Variants in CHCHD6 observed in about 807,000 individuals in gnomAD.
CHCHD6 encodes MICOS complex subunit MIC25.
In CHCHD6, 28 loss-of-function variants were observed where a neutral mutation model predicts 32.3. The ratio of observed to expected loss-of-function variants is 0.87; its 90% CI spans 0.64 to 1.19. The LOEUF is 1.19. Ranked by LOEUF, CHCHD6 falls within the 50% of genes most tolerant of loss-of-function variation. CHCHD6 has a pLI of 0.00. For synonymous variants in CHCHD6, 122 were observed against 117.5 expected (o/e 1.04, Z -0.25); for missense variants, 333 against 307.0 (o/e 1.08, Z -0.63).
chr3:126,715,340 C>T (rs963497695), intron 1 of CHCHD6, among the ~76,000 whole-genome samples: 4 of 152,196 alleles, frequency 2.6e-5, no homozygotes, highest in African/African-American at 9.7e-5. Flanking sequence ...TGCACAGGGA[C>T]TGCCCTTACC....
At chr3:126,871,212 AC>A (rs199889770) in intron 5 of CHCHD6, among the ~76,000 whole-genome samples, 1,798 of 152,150 alleles carry the variant, frequency 0.012, 20 homozygotes, top group Middle Eastern at 0.048. Context: ...AACACCTTTC[AC>A]CCCAGTATGG....
chr3:126,836,919 G>T (rs775987936), intron 4 of CHCHD6, among the ~76,000 whole-genome samples: 2 of 152,192 alleles, frequency 1.3e-5, no homozygotes, highest in Non-Finnish European at 2.9e-5. Flanking sequence ...TGCTCTTCCT[G>T]AGGAGAAATG....
chr3:126,851,644 A>G (rs1941476899), intron 4 of CHCHD6, among the ~76,000 whole-genome samples: 3 of 152,150 alleles, frequency 2.0e-5, no homozygotes, highest in South Asian at 4.1e-4. Flanking sequence ...CATTTGACCC[A>G]TGGAGGGTAG....
intron 4 of CHCHD6, among the ~76,000 whole-genome samples, chr3:126,835,405 C>A (rs1187572500): frequency 6.6e-6 from 1 of 152,178 alleles, no homozygotes; most frequent in African/African-American, 2.4e-5. Context: ...ACTCCCTTAA[C>A]CTCACGGCTC....
At chr3:126,822,724 A>G (rs1940203760) in intron 4 of CHCHD6, among the ~76,000 whole-genome samples, 1 of 120,058 alleles carries the variant, frequency 8.3e-6, no homozygotes, top group Non-Finnish European at 1.6e-5. Context: ...TAGGAATATC[A>G]ATTTTTATTA....
intron 5 of CHCHD6, among the ~76,000 whole-genome samples, chr3:126,854,014 A>G (rs1941566107): frequency 6.6e-6 from 1 of 152,172 alleles, no homozygotes; most frequent in Admixed American, 6.5e-5. Context: ...CTTGGCTGCT[A>G]GAGGCATGTG....
intron 4 of CHCHD6, among the ~76,000 whole-genome samples, chr3:126,831,749 C>T (rs541167642): frequency 6.6e-6 from 1 of 152,190 alleles, no homozygotes; most frequent in Non-Finnish European, 1.5e-5. Flanking sequence ...GGAGACTCTG[C>T]CAATACTGAA....
chr3:126,806,051 C>G (rs1180226654), intron 4 of CHCHD6, among the ~76,000 whole-genome samples: 21 of 152,196 alleles, frequency 1.4e-4, no homozygotes, highest in Non-Finnish European at 1.5e-4. Context: ...AAAATTAATT[C>G]AAGATGGATT....
intron 4 of CHCHD6, among the ~76,000 whole-genome samples, chr3:126,834,281 A>G (rs1359876182): frequency 6.6e-6 from 1 of 152,146 alleles, no homozygotes; most frequent in Non-Finnish European, 1.5e-5. Context: ...CTATAGACCA[A>G]TTAATATAAG....
At chr3:126,879,603 A>G (rs1187033519) in intron 5 of CHCHD6, among the ~76,000 whole-genome samples, 1 of 152,246 alleles carries the variant, frequency 6.6e-6, no homozygotes, top group Non-Finnish European at 1.5e-5. Context: ...TTAAAGGAGG[A>G]TAAAGAGACA....
chr3:126,933,235 C>T (rs2078431631), intron 6 of CHCHD6, among the ~76,000 whole-genome samples: 1 of 152,168 alleles, frequency 6.6e-6, no homozygotes, highest in Non-Finnish European at 1.5e-5. Context: ...TCCCCTTATA[C>T]TTGTGCTGTA....
chr3:126,801,765 TGG>T (rs1236166188), intron 4 of CHCHD6, among the ~76,000 whole-genome samples: 1 of 152,226 alleles, frequency 6.6e-6, no homozygotes, highest in Non-Finnish European at 1.5e-5. Flanking sequence ...CCTCCTCAAG[TGG>T]GTCCCTGACC....
chr3:126,743,336 C>A (rs1936357361), intron 4 of CHCHD6, among the ~76,000 whole-genome samples: 1 of 152,182 alleles, frequency 6.6e-6, no homozygotes, highest in African/African-American at 2.4e-5. Context: ...GAGCCTCCCC[C>A]ATTACCAAAT....
chr3:126,861,790 A>T (rs1196525867), intron 5 of CHCHD6, among the ~76,000 whole-genome samples: 1 of 97,736 alleles, frequency 1.0e-5, no homozygotes, highest in African/African-American at 4.2e-5. Context: ...CACGACCATC[A>T]CCACCTCCCC....
intron 2 of CHCHD6, among the ~76,000 whole-genome samples, chr3:126,728,644 A>C (rs1219459471): frequency 6.6e-6 from 1 of 152,212 alleles, no homozygotes; most frequent in Non-Finnish European, 1.5e-5. Flanking sequence ...GACCCAATGC[A>C]CTTTAACAAA....
intron 2 of CHCHD6, among the ~76,000 whole-genome samples, chr3:126,729,055 G>C (rs1245682076): frequency 1.3e-5 from 2 of 152,120 alleles, no homozygotes; most frequent in African/African-American, 4.8e-5. Flanking sequence ...ATAAAAGATT[G>C]AAATGTATGG....
chr3:126,918,099 A>T (rs1302764056), intron 6 of CHCHD6, among the ~76,000 whole-genome samples: 1 of 152,244 alleles, frequency 6.6e-6, no homozygotes, highest in Non-Finnish European at 1.5e-5. Flanking sequence ...TTATAAAAAC[A>T]CTTTTCCTTT....
At chr3:126,927,109 T>TA (rs2078335406) in intron 6 of CHCHD6, among the ~76,000 whole-genome samples, 1 of 152,114 alleles carries the variant, frequency 6.6e-6, no homozygotes, top group African/African-American at 2.4e-5. Flanking sequence ...GCTGGGCAAA[T>TA]ACCTGACTAC....
intron 6 of CHCHD6, among the ~76,000 whole-genome samples, chr3:126,940,032 A>G (rs1353625191): frequency 6.6e-6 from 1 of 152,224 alleles, no homozygotes; most frequent in East Asian, 1.9e-4. Flanking sequence ...ATTCTCTGAT[A>G]GGCTGTTTAC....
Sources: allele counts gnomAD v4.1 joint callset (sites outside exome capture counted in the v4.1 genomes callset), GRCh38; gene constraint gnomAD v4.1.1; transcripts MANE v1.5; gene names NCBI Gene and HGNC (gene_info 2026-07-23, HGNC 2026-07-21).